ENAH: variants seen among roughly 807,000 people sequenced by gnomAD.
The protein encoded by ENAH is protein enabled homolog.
Under a neutral mutation model 78.7 loss-of-function variants are expected in ENAH, and 23 were observed. That is an observed-to-expected ratio of 0.29 (90% CI 0.21 to 0.41). ENAH has a LOEUF of 0.41. ENAH is among the 10% of genes least tolerant of loss of function. The pLI is 1.00. For missense variants in ENAH, 544 were observed against 691.0 expected, an observed-to-expected ratio of 0.79 and a Z score of 2.39; for synonymous variants, 226 against 241.0, an observed-to-expected ratio of 0.94 and a Z score of 0.58.
intron 1 of ENAH, among the ~76,000 whole-genome samples, chr1:225,610,905 T>A (rs772696858): frequency 6.6e-6 from 1 of 152,156 alleles, no homozygotes; most frequent in Non-Finnish European, 1.5e-5. Flanking sequence ...ATGAATAAAC[T>A]AGTATTTCAC....
intron 1 of ENAH, among the ~76,000 whole-genome samples, chr1:225,570,489 T>TCC (rs1386149746): frequency 6.6e-6 from 1 of 151,498 alleles, no homozygotes; most frequent in Non-Finnish European, 1.5e-5. Context: ...ACCTTACCCT[T>TCC]CCTAAGACAG....
rs1038848429 is a variant in ENAH, at chr1:225,597,644, C to T, written c.6-30230G>A. Among the ~76,000 whole-genome samples, 5 of 111,590 alleles carry T rather than the reference C, an allele frequency of 4.5e-5. No individual in the cohort carries two copies. In the East Asian group the frequency reaches 1.3e-3, roughly 28 times the overall value. The allele number at this position is 111,590 out of a possible 152,430, so 73.2% of individuals were successfully genotyped here. ...CTGCCCTCCAGCCTGGGCGACAGTGCAAGAGCATCTCAAAAAAAAAAAAAA... is the reference window on the plus strand; with the variant it reads ...CTGCCCTCCAGCCTGGGCGACAGTGTAAGAGCATCTCAAAAAAAAAAAAAA... On this transcript the variant is annotated intron_variant, in intron 1 of 13. Transcript: ENST00000366843.
chr1:225,637,063 T>C (rs1660191622), intron 1 of ENAH, among the ~76,000 whole-genome samples: 1 of 152,156 alleles, frequency 6.6e-6, no homozygotes, highest in Non-Finnish European at 1.5e-5. Context: ...TAAACGACCA[T>C]TCTGAAGTGA....
intron 1 of ENAH, among the ~76,000 whole-genome samples, chr1:225,649,787 G>A (rs1662631071): frequency 6.6e-6 from 1 of 152,130 alleles, no homozygotes; most frequent in African/African-American, 2.4e-5. Context: ...CAGTGATCAT[G>A]CTATTCCTAA....
chr1:225,653,271 C>A (rs996166776), upstream of ENAH: 1 of 150,824 alleles, frequency 6.6e-6, no homozygotes, highest in Non-Finnish European at 1.5e-5. This position sits in a 1 kb window ranked among gnomAD's most constrained non-coding sequence, Gnocchi z 4.3. Flanking sequence ...GCGCACTCCC[C>A]CGCGCCGGCG....
At chr1:225,614,082 G>A (rs1558909178) in intron 1 of ENAH, among the ~76,000 whole-genome samples, 2 of 147,952 alleles carry the variant, frequency 1.4e-5, no homozygotes, top group Admixed American at 1.3e-4. Context: ...TTTTTGAGAT[G>A]GAGTCTCATT....
In ENAH at chr1:225,648,481, A is replaced by T. The variant is rs566232296; in HGVS notation, c.5+4205T>A. ...TCCAACTGGGCCAACAAGGTATCCA[A>T]CACCTTGAATACTGAATAAACTTTA... On this transcript the variant is annotated intron_variant, in intron 1 of 13. Coordinates refer to ENST00000366843, the MANE Select transcript of ENAH (RefSeq NM_018212.6). Among the ~76,000 whole-genome samples the T allele has an allele frequency of 2.6e-4, 40 of 152,330 alleles. No homozygotes were observed. The South Asian group carries it at 3.9e-3, about 15-fold the overall frequency.
At chr1:225,597,363 A>G (rs2096906728) in intron 1 of ENAH, among the ~76,000 whole-genome samples, 1 of 152,214 alleles carries the variant, frequency 6.6e-6, no homozygotes, top group Admixed American at 6.5e-5. Context: ...GTTCTATATT[A>G]AAAGACACAA....
At chr1:225,575,337 A>G (rs944314102) in intron 1 of ENAH, among the ~76,000 whole-genome samples, 7 of 152,154 alleles carry the variant, frequency 4.6e-5, no homozygotes, top group Non-Finnish European at 8.8e-5. Flanking sequence ...ATGCTTCCAG[A>G]GGGATATTTT....
At chr1:225,614,524 G>A (rs1340429361) in intron 1 of ENAH, among the ~76,000 whole-genome samples, 1 of 152,192 alleles carries the variant, frequency 6.6e-6, no homozygotes, top group African/African-American at 2.4e-5. Context: ...AAGCTCTCCA[G>A]ACTCTATCCT....
chr1:225,562,395 A>T (rs1575538386), intron 2 of ENAH, among the ~76,000 whole-genome samples: 1 of 149,544 alleles, frequency 6.7e-6, no homozygotes, highest in Non-Finnish European at 1.5e-5. Context: ...ACATGGTGAA[A>T]CCCCATCTCT....
At chr1:225,597,428 G>GGCAGGAGGATCTCTTGGGC (rs1217021549) in intron 1 of ENAH, among the ~76,000 whole-genome samples, 6 of 152,092 alleles carry the variant, frequency 3.9e-5, no homozygotes, top group African/African-American at 1.4e-4. Flanking sequence ...GAGAGGCCGA[G>GGCAGGAGGATCTCTTGGGC]GCAGGAGGAT....
chr1:225,648,727 A>G (rs1575870730), intron 1 of ENAH, among the ~76,000 whole-genome samples: 1 of 152,010 alleles, frequency 6.6e-6, no homozygotes, highest in Non-Finnish European at 1.5e-5. Context: ...GACACTTCAC[A>G]AAACAATCCT....
chr1:225,535,476 G>T, intron 3 of ENAH: 1 of 1,288,526 alleles, frequency 7.8e-7, no homozygotes, highest in Middle Eastern at 2.1e-4. Context: ...ACCACAGCTT[G>T]AAAAAGTAAT....
At chr1:225,623,405 G>A (rs560580510) in intron 1 of ENAH, among the ~76,000 whole-genome samples, 1 of 152,160 alleles carries the variant, frequency 6.6e-6, no homozygotes, top group South Asian at 2.1e-4. Flanking sequence ...TATCAGCAAA[G>A]ACTCATAATT....
chr1:225,603,913 A>G (rs964627343), intron 1 of ENAH, among the ~76,000 whole-genome samples: 2 of 152,224 alleles, frequency 1.3e-5, no homozygotes, highest in Admixed American at 6.5e-5. Context: ...AGGAACAAAA[A>G]AAGTATGGTG....
chr1:225,519,482 C>G lies in ENAH; in HGVS notation c.518G>C (p.Arg173Thr), dbSNP rs778050234. 9.9e-6 allele frequency: 16 copies of G among 1,610,794 alleles called. No individual in the cohort carries two copies. In the Admixed American group the frequency reaches 2.7e-4, roughly 27 times the overall value. The change falls in exon 5 of 14, where the codon AGA (arginine) becomes ACA (threonine). Residue 173 changes from arginine (R) to threonine (T), a missense_variant. This residue lies in a region of ENAH where 366 missense variants were observed against 396.1 expected (regional missense o/e 0.92). Transcript: ENST00000366843. ...CAGCCTTTCCCTTTCTAACCTCTCT[C>G]TCTCCAACCTTTCTCTTTCCATTCT... ...RERMERERLE[R>T]ERLERERLER...
chr1:225,582,353 A>G (rs2096823224), intron 1 of ENAH, among the ~76,000 whole-genome samples: 1 of 152,226 alleles, frequency 6.6e-6, no homozygotes, highest in Non-Finnish European at 1.5e-5. Context: ...TATTTATAGC[A>G]GTGAAAAGAA....
intron 1 of ENAH, among the ~76,000 whole-genome samples, chr1:225,591,339 A>T (rs773446547): frequency 3.3e-4 from 50 of 151,850 alleles, no homozygotes; most frequent in Admixed American, 1.2e-3. Context: ...CGTGGTGGTG[A>T]TGCCTGTAAT....
Sources: gnomAD v4.1 joint callset for allele counts (sites outside exome capture counted in the v4.1 genomes callset) on GRCh38, gnomAD v4.1.1 for gene constraint, gnomAD v4.1.1 regional missense constraint, Gnocchi (gnomAD v3.1) non-coding constraint, MANE v1.5 for transcripts, NCBI Gene and HGNC (gene_info 2026-07-23, HGNC 2026-07-21) for gene names.